FGF4: variants seen among roughly 807,000 people sequenced by gnomAD.
FGF4 encodes heparin secretory transforming protein 1.
FGF4 carries 9 observed loss-of-function variants against 15.7 expected under a neutral mutation model. The ratio of observed to expected loss-of-function variants is 0.57; its 90% CI spans 0.35 to 1.00. The LOEUF (loss-of-function observed/expected upper bound fraction) is 1.00. Ranked by LOEUF, FGF4 falls within the 50% of genes least tolerant of loss-of-function variation. The probability of loss-of-function intolerance (pLI) is 0.02; values close to 1 mark genes in which losing one functional copy is unlikely to be tolerated. For synonymous variants in FGF4, 164 were observed against 144.8 expected, an observed-to-expected ratio of 1.13 and a Z score of -0.95; for missense variants, 286 against 297.3, an observed-to-expected ratio of 0.96 and a Z score of 0.28.
chr11:69,774,797 G>C lies in FGF4; in HGVS notation c.288C>G (p.Leu96=). The change falls in exon 1 of 3, where the codon CTC becomes CTG. Residue 96 remains leucine (L), a synonymous_variant. Transcript: ENST00000168712. ...LYCNVGIGFH[L]QALPDGRIGG... is the part of the protein sequence containing the mutation. The stretch of plus-strand genomic sequence containing the variant: ...CGATGCGGCCGTCGGGGAGCGCCTG[G>C]AGGTGGAAGCCGATGCCCACGTTGC... 1 of 1,526,834 alleles carries C rather than the reference G, an allele frequency of 6.5e-7. No homozygotes were observed. The highest frequency in any genetic ancestry group is 8.7e-7 in the Non-Finnish European group (1 of 1,147,950). The allele number at this position is 1,526,834 out of a possible 1,614,324, so 94.6% of individuals were successfully genotyped here. A position where few individuals can be genotyped will look rare whatever the true frequency, so the allele number is the denominator to read the frequency against.
At position 69,774,790 on chromosome 11, in the gene FGF4, G is replaced by A; in HGVS notation, c.295C>T (p.Leu99Phe). The change falls in exon 1 of 3, where the codon CTC (leucine) becomes TTC (phenylalanine). Residue 99 changes from leucine to phenylalanine, a missense_variant. Physicochemically the swap from Leu to Phe is conservative, Grantham distance 22. Coordinates refer to ENST00000168712, the MANE Select transcript of FGF4 (RefSeq NM_002007.4). ...NVGIGFHLQA[L>F]PDGRIGGAHA... ...GCGCCGCCGATGCGGCCGTCGGGGA[G>A]CGCCTGGAGGTGGAAGCCGATGCCC... is the stretch of plus-strand genomic sequence containing the variant. The A allele has an allele frequency of 5.3e-6, 8 of 1,522,190 alleles. No individual in the cohort carries two copies. Among genetic ancestry groups the A allele is most frequent in the Non-Finnish European group, 7.0e-6 (8 of 1,145,768 alleles). 94.3% of individuals were successfully genotyped at this position (1,522,190 alleles called of 1,614,324 possible).
At position 69,773,450 on chromosome 11, in the gene FGF4, A is replaced by C. The variant is rs145463849; in HGVS notation, c.480T>G (p.Ile160Met). 9.9e-5 allele frequency: 160 copies of C among 1,614,080 alleles called. No homozygotes were observed. In the African/African-American group the frequency reaches 1.8e-3, roughly 18 times the overall value. ...FFTDECTFKE[I>M]LLPNNYNAYE... ...AGGCGTTGTAGTTGTTGGGAAGGAG[A>C]ATCTCCTTGAACGTGCACTCATCGG... The change falls in exon 3 of 3, where the codon ATT becomes ATG. Residue 160 changes from isoleucine (I) to methionine (M), a missense_variant. Ile to Met is a conservative substitution (Grantham distance 10). Transcript: ENST00000168712.
rs967498941 is a variant in FGF4, at chr11:69,772,940, C to T, written c.*369G>A. 2 of 230,754 alleles carry T rather than the reference C, an allele frequency of 8.7e-6. No individual in the cohort carries two copies. Among genetic ancestry groups the T allele is most frequent in the African/African-American group, 2.3e-5 (1 of 43,700 alleles). 14.3% of individuals were successfully genotyped at this position (230,754 alleles called of 1,614,324 possible). A position where few individuals can be genotyped will look rare whatever the true frequency, so the allele number is the denominator to read the frequency against. On this transcript the variant is annotated 3_prime_UTR_variant, in exon 3 of 3. Coordinates refer to ENST00000168712, the MANE Select transcript of FGF4 (RefSeq NM_002007.4). ...AGGCGGGCCTTTCCAGACAGAGATG[C>T]TCCACGCCATACTACAGGGGATGAC... is the stretch of plus-strand genomic sequence containing the variant.
Position 69,774,415 on chromosome 11 carries a change from T to C in FGF4, c.341-288A>G, listed in dbSNP as rs1255886223. Reference sequence around the variant, plus strand: ...GCCCGACCCCAGCGGTTCCCCAGCCTGGGCCAGGCCGGGGCGCGTGTCTCG... The same window carrying C: ...GCCCGACCCCAGCGGTTCCCCAGCCCGGGCCAGGCCGGGGCGCGTGTCTCG... On this transcript the variant is annotated intron_variant, in intron 1 of 2. Transcript: ENST00000168712. 2.0e-5 allele frequency among the ~76,000 whole-genome samples: 3 copies of C among 151,952 alleles called. No individual in the cohort carries two copies. The East Asian group carries it at 5.8e-4, about 30-fold the overall frequency.
chr11:69,772,811 G>A lies in FGF4; in HGVS notation c.*498C>T, dbSNP rs116954681. On this transcript the variant is annotated 3_prime_UTR_variant, in exon 3 of 3. Transcript: ENST00000168712. ...GCACTTTCTGTACCCGAAGTAAACC[G>A]ATATGTCCCGATTAATAGCAACAGG... The A allele has an allele frequency of 5.2e-5, 9 of 173,348 alleles. No homozygotes were observed. In the East Asian group the frequency reaches 9.1e-4, roughly 18 times the overall value. The allele number at this position is 173,348 out of a possible 1,614,324, so 10.7% of individuals were successfully genotyped here. A position where few individuals can be genotyped will look rare whatever the true frequency, so the allele number is the denominator to read the frequency against.
chr11:69,774,627 C>A, intron 1 of FGF4, 118 bp downstream of exon 1: 1 of 740,796 alleles, frequency 1.3e-6, no homozygotes, highest in Admixed American at 4.3e-5. Flanking sequence ...GAGTCCGCCC[C>A]GGTTCCCGGG....
rs137916938 is a variant in FGF4, at chr11:69,773,251, C to T, written c.*58G>A. On this transcript the variant is annotated 3_prime_UTR_variant, in exon 3 of 3. Transcript: ENST00000168712. Reference sequence around the variant, plus strand: ...ATCCGAAGAAAGTGCACCAAGGTGACCCTCGGCACTGCCCTCCCAGGGGCT... The same window carrying T: ...ATCCGAAGAAAGTGCACCAAGGTGATCCTCGGCACTGCCCTCCCAGGGGCT... The T allele has an allele frequency of 7.5e-4, 1,113 of 1,483,192 alleles. 7 individuals are homozygous for T. In the African/African-American group the frequency reaches 0.01, roughly 14 times the overall value. The allele number at this position is 1,483,192 out of a possible 1,614,324, so 91.9% of individuals were successfully genotyped here.
chr11:69,771,571 G>A lies in FGF4; in HGVS notation c.*1738C>T, dbSNP rs528242008. 3 of 152,320 alleles carry A rather than the reference G, an allele frequency of 2.0e-5. No individual in the cohort carries two copies. In the South Asian group the frequency reaches 6.2e-4, roughly 32 times the overall value. 9.4% of individuals were successfully genotyped at this position (152,320 alleles called of 1,614,324 possible). On this transcript the variant is annotated 3_prime_UTR_variant, in exon 3 of 3. Transcript: ENST00000168712. ...TGGTTTAAAACTTAAAAACAGTTTA[G>A]TGCATGGTAGGAACAGCAGTTTAAG...
intron 1 of FGF4, 34 bp downstream of exon 1, chr11:69,774,711 C>G: frequency 7.2e-7 from 1 of 1,391,084 alleles, no homozygotes; most frequent in Non-Finnish European, 9.3e-7. Flanking sequence ...TTGCCCCCCG[C>G]CCCCGCCCCT....
chr11:69,775,206 A>C lies in FGF4; in HGVS notation c.-122T>G. 1.6e-6 allele frequency: 1 copy of C among 630,936 alleles called. No individual in the cohort carries two copies. The highest frequency in any genetic ancestry group is 2.3e-6 in the Non-Finnish European group (1 of 440,104). The allele number at this position is 630,936 out of a possible 1,614,324, so 39.1% of individuals were successfully genotyped here. A position where few individuals can be genotyped will look rare whatever the true frequency, so the allele number is the denominator to read the frequency against. Reference sequence around the variant, plus strand: ...GACCTCGGGCAGGAGTGCGCAACCGAGGAGGTGCGGGAGGCAAGCGACGGG... The same window carrying C: ...GACCTCGGGCAGGAGTGCGCAACCGCGGAGGTGCGGGAGGCAAGCGACGGG... On this transcript the variant is annotated 5_prime_UTR_variant, in exon 1 of 3. Coordinates refer to ENST00000168712, the MANE Select transcript of FGF4 (RefSeq NM_002007.4).
Position 69,774,963 on chromosome 11 carries a change from G to C in FGF4, c.122C>G (p.Ala41Gly), listed in dbSNP as rs1855622962. The part of the protein sequence containing the change: ...APTAPNGTLE[A>G]ELERRWESLV... ...GCTCTCCCAGCGGCGCTCCAGCTCG[G>C]CCTCCAGCGTGCCGTTGGGTGCAGT... The change falls in exon 1 of 3, where the codon GCC (alanine) becomes GGC (glycine). Residue 41 changes from alanine (A) to glycine (G), a missense_variant. Ala to Gly is a moderately conservative substitution (Grantham distance 60). Transcript: ENST00000168712. The C allele has an allele frequency of 7.5e-6, 11 of 1,475,770 alleles. No individual in the cohort carries two copies. Among genetic ancestry groups the C allele is most frequent in the Non-Finnish European group, 9.8e-6 (11 of 1,121,218 alleles). 91.4% of individuals were successfully genotyped at this position (1,475,770 alleles called of 1,614,324 possible). A position where few individuals can be genotyped will look rare whatever the true frequency, so the allele number is the denominator to read the frequency against.
intron 2 of FGF4, 59 bp from the exon 3 acceptor site, chr11:69,773,544 T>A (rs1192622262): frequency 6.4e-7 from 1 of 1,555,546 alleles, no homozygotes; most frequent in African/African-American, 1.4e-5. Context: ...GTACCCAGCC[T>A]GAAGCCAGGG....
In FGF4 at chr11:69,773,109, T is replaced by C. The variant is rs996371394; in HGVS notation, c.*200A>G. 1.5e-5 allele frequency: 7 copies of C among 479,410 alleles called. No homozygotes were observed. The highest frequency in any genetic ancestry group is 1.5e-4 in the Admixed American group (4 of 27,462). The allele number at this position is 479,410 out of a possible 1,614,324, so 29.7% of individuals were successfully genotyped here. A position where few individuals can be genotyped will look rare whatever the true frequency, so the allele number is the denominator to read the frequency against. ...AGTTGGTTTTTTGTTTTGTCTTTTT[T>C]TCCCCCCAGAAAATTAAAAAACACA... On this transcript the variant is annotated 3_prime_UTR_variant, in exon 3 of 3. Transcript: ENST00000168712.
Position 69,771,650 on chromosome 11 carries a change from G to A in FGF4, c.*1659C>T, listed in dbSNP as rs769814221. The A allele has an allele frequency of 2.6e-5, 4 of 152,166 alleles. No homozygotes were observed. Among genetic ancestry groups the A allele is most frequent in the Non-Finnish European group, 4.4e-5 (3 of 68,038 alleles). The allele number at this position is 152,166 out of a possible 1,614,324, so 9.4% of individuals were successfully genotyped here. A position where few individuals can be genotyped will look rare whatever the true frequency, so the allele number is the denominator to read the frequency against. On this transcript the variant is annotated 3_prime_UTR_variant, in exon 3 of 3. Coordinates refer to ENST00000168712, the MANE Select transcript of FGF4 (RefSeq NM_002007.4). ...AAGTGTCTTCTTTCTTCCAGGCCTTGGTTAAGAATAGTATTTTAAGTCGAT... is the reference window on the plus strand; with the variant it reads ...AAGTGTCTTCTTTCTTCCAGGCCTTAGTTAAGAATAGTATTTTAAGTCGAT...
In FGF4 at chr11:69,771,696, G is replaced by A. The variant is rs1227474571; in HGVS notation, c.*1613C>T. The A allele has an allele frequency of 6.6e-6, 1 of 152,140 alleles. No homozygotes were observed. Among genetic ancestry groups the A allele is most frequent in the Non-Finnish European group, 1.5e-5 (1 of 68,024 alleles). 9.4% of individuals were successfully genotyped at this position (152,140 alleles called of 1,614,324 possible). A position where few individuals can be genotyped will look rare whatever the true frequency, so the allele number is the denominator to read the frequency against. On this transcript the variant is annotated 3_prime_UTR_variant, in exon 3 of 3. Coordinates refer to ENST00000168712, the MANE Select transcript of FGF4 (RefSeq NM_002007.4). Reference sequence around the variant, plus strand: ...TCGATGATTTGCATTCGAACAAAGAGTTTTCAAAAGGAATGTGAAAGACAA... The same window carrying A: ...TCGATGATTTGCATTCGAACAAAGAATTTTCAAAAGGAATGTGAAAGACAA...
chr11:69,774,886 C>T lies in FGF4; in HGVS notation c.199G>A (p.Ala67Thr), dbSNP rs1043621727. The T allele has an allele frequency of 3.4e-6, 5 of 1,489,490 alleles. No homozygotes were observed. In the African/African-American group the frequency reaches 5.8e-5, roughly 17 times the overall value. The allele number at this position is 1,489,490 out of a possible 1,614,324, so 92.3% of individuals were successfully genotyped here. Reference sequence around the variant, plus strand: ...TCGCCGGCGCCGCTCTGGACGGCCGCCTCCTTGGGCTGCGCTGCCACCGGC... The same window carrying T: ...TCGCCGGCGCCGCTCTGGACGGCCGTCTCCTTGGGCTGCGCTGCCACCGGC... ...RLPVAAQPKEAAVQSGAGDYL... is the reference protein window; with the variant it reads ...RLPVAAQPKETAVQSGAGDYL... The change falls in exon 1 of 3, where the codon GCG (alanine) becomes ACG (threonine). Residue 67 changes from alanine to threonine, a missense_variant. Physicochemically the swap from Ala to Thr is moderately conservative, Grantham distance 58. Coordinates refer to ENST00000168712, the MANE Select transcript of FGF4 (RefSeq NM_002007.4).
intron 1 of FGF4, 61 bp from the exon 2 acceptor site, chr11:69,774,188 C>T (rs1855610887): frequency 2.9e-6 from 4 of 1,356,594 alleles, no homozygotes; most frequent in South Asian, 1.2e-5. Context: ...CGCCCCTCGG[C>T]TTGTTCGCCT....
intron 2 of FGF4, 77 bp from the exon 3 acceptor site, chr11:69,773,562 C>CTGA: frequency 1.4e-6 from 2 of 1,405,114 alleles, no homozygotes; most frequent in Non-Finnish European, 2.0e-6. Context: ...GGGGTCAGAA[C>CTGA]CCCCTTCTGT....
intron 1 of FGF4, 44 bp from the exon 2 acceptor site, chr11:69,774,171 C>T (rs1855610581): frequency 2.7e-6 from 4 of 1,467,758 alleles, no homozygotes; most frequent in Non-Finnish European, 3.8e-6. Flanking sequence ...TGATCCCTGG[C>T]CCACTCCGCC....
Sources: gnomAD v4.1 joint callset for allele counts (sites outside exome capture counted in the v4.1 genomes callset) on GRCh38, gnomAD v4.1.1 for gene constraint, MANE v1.5 for transcripts, NCBI Gene and HGNC (gene_info 2026-07-23, HGNC 2026-07-21) for gene names.